Variants in ANO3 observed in about 807,000 individuals in gnomAD.
ANO3 encodes the protein anoctamin 3.
In ANO3, 99 loss-of-function variants were observed where a neutral mutation model predicts 144.8. The ratio of observed to expected loss-of-function variants is 0.68; its 90% confidence interval spans 0.58 to 0.81. The LOEUF is 0.81. ANO3 is among the 30% of genes least tolerant of loss of function. The pLI is 0.00. For synonymous variants in ANO3, 414 were observed against 392.6 expected (o/e 1.05, Z -0.64); for missense variants, 905 against 1,202.2 (o/e 0.75, Z 3.66).
At chr11:26,571,952 G>A (rs1045953302) in intron 14 of ANO3, 2 of 473,722 alleles carry the variant, frequency 4.2e-6, no homozygotes, top group Non-Finnish European at 5.5e-6. Flanking sequence ...AGACCACTGC[G>A]ATTCTCTTTG....
intron 1 of ANO3, among the ~76,000 whole-genome samples, chr11:26,370,108 C>T (rs941780267): frequency 2.0e-5 from 3 of 152,056 alleles, no homozygotes; most frequent in African/African-American, 7.2e-5. Context: ...GTGTTCTCAC[C>T]CATATCTAGT....
chr11:26,345,924 G>T (rs937650472), intron 1 of ANO3, among the ~76,000 whole-genome samples: 6 of 152,168 alleles, frequency 3.9e-5, no homozygotes, highest in Admixed American at 1.3e-4. Context: ...ATATAGAAAA[G>T]CTGGAATTTG....
intron 17 of ANO3, among the ~76,000 whole-genome samples, chr11:26,622,794 A>G (rs964780029): frequency 6.6e-6 from 1 of 152,174 alleles, no homozygotes. Context: ...TACCTACTTA[A>G]CAAAATTGTT....
At chr11:26,434,613 C>A (rs1156894422) in intron 1 of ANO3, among the ~76,000 whole-genome samples, 2 of 152,170 alleles carry the variant, frequency 1.3e-5, no homozygotes, top group East Asian at 3.9e-4. Flanking sequence ...CCCAGATATT[C>A]TGACATGTTG....
chr11:26,632,710 A>G (rs1167173919), intron 18 of ANO3, among the ~76,000 whole-genome samples: 1 of 151,960 alleles, frequency 6.6e-6, no homozygotes, highest in African/African-American at 2.4e-5. Flanking sequence ...ACTTATCCAC[A>G]CAATTTAGCC....
chr11:26,304,619 C>T (rs1410852652), upstream of ANO3, among the ~76,000 whole-genome samples: 5 of 152,008 alleles, frequency 3.3e-5, no homozygotes, highest in African/African-American at 1.2e-4. Context: ...CTTATTTTTT[C>T]ACTTAAGGAT....
intron 4 of ANO3, among the ~76,000 whole-genome samples, chr11:26,486,589 T>C (rs1191426753): frequency 6.6e-6 from 1 of 152,146 alleles, no homozygotes; most frequent in South Asian, 2.1e-4. Context: ...GATAAGCAAT[T>C]ATTCCTTTGG....
At chr11:26,424,420 T>C (rs997431706) in intron 1 of ANO3, among the ~76,000 whole-genome samples, 1 of 152,074 alleles carries the variant, frequency 6.6e-6, no homozygotes, top group Non-Finnish European at 1.5e-5. Flanking sequence ...ACAATTTATA[T>C]GTATGCACAT....
At chr11:26,633,975 G>A (rs777299914) in intron 18 of ANO3, among the ~76,000 whole-genome samples, 10 of 151,702 alleles carry the variant, frequency 6.6e-5, no homozygotes, top group Non-Finnish European at 1.0e-4. Context: ...CTACTTGGGA[G>A]GCTGAGCCAG....
intron 1 of ANO3, among the ~76,000 whole-genome samples, chr11:26,389,201 G>A (rs988217239): frequency 4.0e-5 from 6 of 151,896 alleles, no homozygotes; most frequent in African/African-American, 7.3e-5. Flanking sequence ...TTTCTCTTAG[G>A]AAAAAAATGT....
intron 1 of ANO3, among the ~76,000 whole-genome samples, chr11:26,426,278 TTTTTA>T (rs1264422666): frequency 2.0e-5 from 3 of 152,308 alleles, no homozygotes; most frequent in African/African-American, 4.8e-5. Flanking sequence ...TGTTGTTGAC[TTTTTA>T]TTTTGTCTGT....
chr11:26,428,477 G>T (rs1857984959), intron 1 of ANO3, among the ~76,000 whole-genome samples: 1 of 152,154 alleles, frequency 6.6e-6, no homozygotes, highest in Non-Finnish European at 1.5e-5. Flanking sequence ...TACAAAACAA[G>T]AACAAGTAGA....
At position 26,565,914 on chromosome 11, in the gene ANO3, T is replaced by G. The variant is rs763631560; in HGVS notation, c.1447+6135T>G. The stretch of plus-strand genomic sequence containing the variant: ...AAAGGAATCTGAAAGAAAATAACCA[T>G]AATTTGAATTCCTTAAATAAAATAC... On this transcript the variant is annotated intron_variant, in intron 14 of 26. Transcript: ENST00000256737. The G allele has an allele frequency of 1.9e-6, 3 of 1,549,394 alleles. No homozygotes were observed. In the South Asian group the frequency reaches 3.7e-5, roughly 19 times the overall value.
chr11:26,453,843 C>A (rs1418305072), intron 3 of ANO3, among the ~76,000 whole-genome samples: 1 of 152,112 alleles, frequency 6.6e-6, no homozygotes, highest in African/African-American at 2.4e-5. Flanking sequence ...AAGCACCCCT[C>A]AGCAAATATA....
At chr11:26,313,550 G>A (rs942829361) in intron 1 of ANO3, among the ~76,000 whole-genome samples, 9 of 152,026 alleles carry the variant, frequency 5.9e-5, no homozygotes, top group Non-Finnish European at 1.2e-4. Flanking sequence ...AGCTGGGCGT[G>A]GTGGTGCGTG....
intron 1 of ANO3, among the ~76,000 whole-genome samples, chr11:26,342,433 G>GT (rs879467812): frequency 1.2e-4 from 18 of 152,042 alleles, no homozygotes; most frequent in Admixed American, 3.9e-4. Context: ...ACCGCTTTTT[G>GT]TTTTGCTCAT....
At chr11:26,201,389 T>C (rs561249271) in intron 1 of ANO3, among the ~76,000 whole-genome samples, 1 of 152,270 alleles carries the variant, frequency 6.6e-6, no homozygotes, top group South Asian at 2.1e-4. Context: ...ATCATACCTA[T>C]TGACTTTGTA....
intron 1 of ANO3, among the ~76,000 whole-genome samples, chr11:26,245,904 A>C (rs1852780105): frequency 2.0e-5 from 3 of 152,222 alleles, no homozygotes; most frequent in Non-Finnish European, 4.4e-5. Flanking sequence ...GGTTTGTGAC[A>C]ATATATCTGT....
At chr11:26,299,360 T>G (rs1368896882) in intron 1 of ANO3, among the ~76,000 whole-genome samples, 3 of 152,206 alleles carry the variant, frequency 2.0e-5, no homozygotes, top group African/African-American at 7.2e-5. Context: ...TTGGTAACTT[T>G]GACAGTCTTA....
Sources: gnomAD v4.1 joint callset for allele counts (sites outside exome capture counted in the v4.1 genomes callset) on GRCh38, gnomAD v4.1.1 for gene constraint, MANE v1.5 for transcripts, NCBI Gene and HGNC (gene_info 2026-07-23, HGNC 2026-07-21) for gene names.